Variants in WWC1 observed in about 807,000 individuals in gnomAD.
WWC1 encodes protein KIBRA.
A neutral mutation model predicts 138.4 loss-of-function variants in WWC1; 55 were observed. The ratio of observed to expected loss-of-function variants is 0.40; its 90% CI spans 0.32 to 0.50. WWC1 has a LOEUF of 0.50. Among genes scored for constraint, WWC1 ranks in the 20% least tolerant of loss-of-function variants. The pLI is 0.72. For missense variants in WWC1, 1,226 were observed against 1,420.4 expected, an observed-to-expected ratio of 0.86 and a Z score of 2.20; for synonymous variants, 524 against 564.9, an observed-to-expected ratio of 0.93 and a Z score of 1.03.
intron 19 of WWC1, among the ~76,000 whole-genome samples, chr5:168,457,657 C>A (rs1049714678): frequency 6.6e-6 from 1 of 152,232 alleles, no homozygotes; most frequent in Non-Finnish European, 1.5e-5. Flanking sequence ...GAAGGCCAGA[C>A]CACAGCCAAA....
intron 1 of WWC1, among the ~76,000 whole-genome samples, chr5:168,371,058 C>T (rs1776717329): frequency 6.6e-6 from 1 of 152,182 alleles, no homozygotes; most frequent in Admixed American, 6.5e-5. Flanking sequence ...CCAAGGAGGG[C>T]TGGAGTCCAA....
intron 1 of WWC1, among the ~76,000 whole-genome samples, chr5:168,356,097 A>G (rs1375525952): frequency 6.6e-6 from 1 of 152,240 alleles, no homozygotes; most frequent in African/African-American, 2.4e-5. Context: ...TCTAGGTAGG[A>G]CATGGAGAGT....
intron 19 of WWC1, among the ~76,000 whole-genome samples, chr5:168,455,839 A>G (rs748265576): frequency 3.3e-5 from 5 of 152,170 alleles, no homozygotes; most frequent in Non-Finnish European, 7.3e-5. Flanking sequence ...AGTGGCCCCT[A>G]GATACACAGG....
intron 1 of WWC1, among the ~76,000 whole-genome samples, chr5:168,363,666 G>A (rs1391401462): frequency 6.6e-6 from 1 of 152,038 alleles, no homozygotes; most frequent in Non-Finnish European, 1.5e-5. Flanking sequence ...ATGAAAATCG[G>A]GGTATAAAAC....
At chr5:168,366,061 T>C (rs1776267021) in intron 1 of WWC1, among the ~76,000 whole-genome samples, 2 of 152,332 alleles carry the variant, frequency 1.3e-5, no homozygotes, top group South Asian at 4.1e-4. Flanking sequence ...GGTTGCATCC[T>C]TAGCACTTGC....
At chr5:168,365,825 G>C (rs1776247969) in intron 1 of WWC1, among the ~76,000 whole-genome samples, 1 of 152,214 alleles carries the variant, frequency 6.6e-6, no homozygotes, top group Admixed American at 6.5e-5. Flanking sequence ...ATTAAGAAGA[G>C]GCAGAACTCG....
At chr5:168,449,153 A>ATT (rs36015708) in intron 17 of WWC1, among the ~76,000 whole-genome samples, 2 of 151,722 alleles carry the variant, frequency 1.3e-5, no homozygotes, top group South Asian at 2.1e-4. Context: ...ATATTACCAG[A>ATT]TTTTTTTCCG....
At chr5:168,438,445 C>G (rs1561766786) in intron 15 of WWC1, among the ~76,000 whole-genome samples, 1 of 152,094 alleles carries the variant, frequency 6.6e-6, no homozygotes, top group South Asian at 2.1e-4. Flanking sequence ...TGTTTGCTTC[C>G]CCTTCTGCCA....
chr5:168,327,952 TG>T (rs1383571464), intron 1 of WWC1, among the ~76,000 whole-genome samples: 1 of 152,168 alleles, frequency 6.6e-6, no homozygotes, highest in African/African-American at 2.4e-5. Context: ...TTAGAGCATG[TG>T]GGTGGATGTG....
At position 168,415,074 on chromosome 5, in the gene WWC1, G is replaced by A. The variant is rs143208227; in HGVS notation, c.1184+484G>A. 1,016 of 166,896 alleles carry A rather than the reference G, an allele frequency of 6.1e-3. 12 individuals carry two copies. Among genetic ancestry groups the A allele is most frequent in the African/African-American group, 0.022 (938 of 41,698 alleles). 10.3% of individuals were successfully genotyped at this position (166,896 alleles called of 1,614,324 possible). On this transcript the variant is annotated intron_variant, in intron 9 of 22. Coordinates refer to ENST00000265293, the MANE Select transcript of WWC1 (RefSeq NM_015238.3). ...TGATTTCACCCCATGCTAAGTAAGGGGTTGCAGTTTGCAGTTTGAAAAACA... is the reference window on the plus strand; with the variant it reads ...TGATTTCACCCCATGCTAAGTAAGGAGTTGCAGTTTGCAGTTTGAAAAACA...
At chr5:168,434,922 C>T (rs771145931) in intron 15 of WWC1, among the ~76,000 whole-genome samples, 1 of 152,172 alleles carries the variant, frequency 6.6e-6, no homozygotes, top group Non-Finnish European at 1.5e-5. Flanking sequence ...TGCCTCCTCT[C>T]ACTTTGGCAT....
intron 7 of WWC1, 104 bp downstream of exon 7, chr5:168,408,757 G>A (rs1265531926): frequency 9.9e-6 from 15 of 1,511,510 alleles, no homozygotes; most frequent in African/African-American, 2.7e-5. Context: ...GAGCTGGCCA[G>A]GGGTTCTCTG....
intron 17 of WWC1, among the ~76,000 whole-genome samples, chr5:168,447,465 C>T (rs1200099205): frequency 6.6e-6 from 1 of 152,154 alleles, no homozygotes; most frequent in Non-Finnish European, 1.5e-5. Context: ...GTCTGTGTTC[C>T]ACTGAAACGT....
intron 2 of WWC1, 84 bp downstream of exon 2, chr5:168,371,617 C>A: frequency 2.1e-6 from 2 of 934,452 alleles, no homozygotes; most frequent in African/African-American, 1.6e-5. Context: ...TCTGGAAGAA[C>A]CACTTGCAGA....
chr5:168,453,961 A>T lies in WWC1; in HGVS notation c.2526-7A>T. 6.2e-7 allele frequency: 1 copy of T among 1,612,300 alleles called. No individual in the cohort carries two copies. ...GGGTGGGTAACCAAAGTGCTTTGTC[A>T]TCACAGGAGGTATGAGGAGACCAGT... On this transcript the variant is annotated splice_polypyrimidine_tract_variant and splice_region_variant and intron_variant, in intron 17 of 22. Coordinates refer to ENST00000265293, the MANE Select transcript of WWC1 (RefSeq NM_015238.3).
intron 17 of WWC1, among the ~76,000 whole-genome samples, chr5:168,450,183 A>T (rs17731849): frequency 0.12 from 17,971 of 152,206 alleles, 1,798 homozygotes; most frequent in East Asian, 0.27. Flanking sequence ...TCAGAAGTCA[A>T]GATGGGAATA....
At chr5:168,366,647 G>A (rs1776310132) in intron 1 of WWC1, among the ~76,000 whole-genome samples, 2 of 152,108 alleles carry the variant, frequency 1.3e-5, no homozygotes, top group South Asian at 4.2e-4. Context: ...ATTTGGCTCT[G>A]ACATCTCAAC....
At chr5:168,404,887 CTT>C (rs34102475) in intron 5 of WWC1, among the ~76,000 whole-genome samples, 7,267 of 140,626 alleles carry the variant, frequency 0.052, 577 homozygotes, top group African/African-American at 0.17. Context: ...TGTCAGGACA[CTT>C]TTTTTTTTTT....
chr5:168,412,263 A>C (rs898499680), intron 8 of WWC1: 1 of 910,344 alleles, frequency 1.1e-6, no homozygotes, highest in Non-Finnish European at 1.3e-6. Flanking sequence ...AGCTCATTTT[A>C]GTGTAAAGGA....
Sources: gnomAD v4.1 joint callset for allele counts (sites outside exome capture counted in the v4.1 genomes callset) on GRCh38, gnomAD v4.1.1 for gene constraint, MANE v1.5 for transcripts, NCBI Gene and HGNC (gene_info 2026-07-23, HGNC 2026-07-21) for gene names.